The following AGBL1 variants were observed in gnomAD, a reference collection of about 807,000 sequenced individuals.
The protein encoded by AGBL1 is cytosolic carboxypeptidase 4.
AGBL1 carries 130 observed loss-of-function variants against 118.9 expected under a neutral mutation model. That is an observed-to-expected ratio of 1.09 (90% CI 0.95 to 1.26). The LOEUF is 1.26. Among genes scored for constraint, AGBL1 ranks in the 50% most tolerant of loss-of-function variants. AGBL1 has a pLI of 0.00. For missense variants in AGBL1, 1,584 were observed against 1,298.1 expected, an observed-to-expected ratio of 1.22 and a Z score of -3.38; for synonymous variants, 555 against 478.9, an observed-to-expected ratio of 1.16 and a Z score of -2.08.
intron 22 of AGBL1, among the ~76,000 whole-genome samples, chr15:86,700,013 A>T (rs2086328763): frequency 6.6e-6 from 1 of 152,028 alleles, no homozygotes; most frequent in African/African-American, 2.4e-5. Context: ...GTTAGTTGGC[A>T]TTCTGTGGTA....
intron 19 of AGBL1, among the ~76,000 whole-genome samples, chr15:86,526,542 G>GTATATATATATATA (rs1261876704): frequency 5.8e-4 from 24 of 41,448 alleles, no homozygotes; most frequent in African/African-American, 1.5e-3. Context: ...GTTTGTGTCT[G>GTATATATATATATA]TGTATATATA....
At chr15:86,158,906 T>C (rs762888475) in intron 4 of AGBL1, 27 bp from the exon 5 acceptor site, 8 of 1,605,434 alleles carry the variant, frequency 5.0e-6, no homozygotes, top group Admixed American at 1.7e-5. Flanking sequence ...CTTGTGACCA[T>C]AACTACTGTG....
chr15:86,930,926 G>T (rs758087973), intron 23 of AGBL1, among the ~76,000 whole-genome samples: 1 of 152,180 alleles, frequency 6.6e-6, no homozygotes, highest in East Asian at 1.9e-4. Flanking sequence ...AGAAACTAAA[G>T]ATAACATCTT....
intron 22 of AGBL1, among the ~76,000 whole-genome samples, chr15:86,799,366 A>G (rs2078618844): frequency 1.3e-5 from 2 of 152,208 alleles, no homozygotes; most frequent in Non-Finnish European, 1.5e-5. Flanking sequence ...ATTTCTTGAA[A>G]AATGCATGAG....
chr15:86,739,431 G>A (rs1412570405), intron 22 of AGBL1, among the ~76,000 whole-genome samples: 51 of 73,724 alleles, frequency 6.9e-4, no homozygotes, highest in African/African-American at 2.7e-3. Flanking sequence ...CAACAAGAGC[G>A]AAACTCCATC....
In AGBL1 at chr15:86,521,266, G is replaced by A. The variant is rs146270682; in HGVS notation, c.2556-1544G>A. 9.9e-4 allele frequency among the ~76,000 whole-genome samples: 151 copies of A among 152,290 alleles called. 1 individual carries two copies. Among genetic ancestry groups the A allele is most frequent in the African/African-American group, 3.3e-3 (136 of 41,574 alleles). ...ACTGAACCTTCTTTTTACCTCCAAT[G>A]TTTATTGAAAACACTGTGTTTCAAA... On this transcript the variant is annotated intron_variant, in intron 18 of 22. Coordinates refer to ENST00000614907, the MANE Select transcript of AGBL1 (RefSeq NM_001386094.1).
chr15:86,541,568 T>C (rs2142242108), intron 19 of AGBL1, among the ~76,000 whole-genome samples: 2 of 124,378 alleles, frequency 1.6e-5, no homozygotes, highest in East Asian at 4.6e-4. Context: ...ATTCTCAGCC[T>C]GGGTGAAAGA....
rs370373320 is a variant in AGBL1, at chr15:86,576,271, A to C, written c.2994+21734A>C. ...AGTGTTGTTAAAAGAAAAACATCAG[A>C]CAAATTAAATTTAGTAAAATTTAAT... On this transcript the variant is annotated intron_variant, in intron 21 of 22. Transcript: ENST00000614907. 5.9e-5 allele frequency among the ~76,000 whole-genome samples: 9 copies of C among 152,308 alleles called. 2 individuals are homozygous for C. Among genetic ancestry groups the C allele is most frequent in the African/African-American group, 2.2e-4 (9 of 41,556 alleles).
intron 23 of AGBL1, among the ~76,000 whole-genome samples, chr15:86,945,416 C>T (rs969838598): frequency 1.3e-5 from 2 of 152,010 alleles, no homozygotes; most frequent in Non-Finnish European, 2.9e-5. Context: ...ATCTGTAAAT[C>T]CCAGCAGTTT....
At chr15:86,196,879 G>GCGCGCGCGCGCGCACACA (rs756313941) in intron 5 of AGBL1, among the ~76,000 whole-genome samples, 3 of 117,014 alleles carry the variant, frequency 2.6e-5, no homozygotes, top group African/African-American at 1.1e-4. Context: ...GCGCGCGCGC[G>GCGCGCGCGCGCGCACACA]CACACACACA....
chr15:86,715,991 G>A (rs1369762529), intron 22 of AGBL1, among the ~76,000 whole-genome samples: 2 of 151,480 alleles, frequency 1.3e-5, no homozygotes, highest in South Asian at 2.1e-4. Context: ...ACTTGAACCC[G>A]GGAGGTGGAG....
At chr15:86,468,199 T>C (rs186398702) in intron 18 of AGBL1, among the ~76,000 whole-genome samples, 3 of 152,242 alleles carry the variant, frequency 2.0e-5, no homozygotes, top group Non-Finnish European at 4.4e-5. Flanking sequence ...TCTCCTCCTC[T>C]CCGCAAGAAG....
At chr15:86,247,586 C>A in intron 6 of AGBL1, 85 bp from the exon 7 acceptor site, 1 of 1,318,104 alleles carries the variant, frequency 7.6e-7, no homozygotes, top group Non-Finnish European at 1.1e-6. Flanking sequence ...TAATAAGTAT[C>A]TTGTGGGAAA....
intron 24 of AGBL1, among the ~76,000 whole-genome samples, chr15:86,999,630 T>G (rs1317408984): frequency 3.7e-4 from 56 of 150,658 alleles, no homozygotes; most frequent in Admixed American, 3.7e-3. Flanking sequence ...CTATCGTTGT[T>G]GGACATTTGG....
intron 22 of AGBL1, among the ~76,000 whole-genome samples, chr15:86,884,099 C>T (rs1328858260): frequency 6.6e-6 from 1 of 152,204 alleles, no homozygotes; most frequent in Non-Finnish European, 1.5e-5. Flanking sequence ...TGAGAACTTT[C>T]ACCTTTTGAC....
At position 86,201,373 on chromosome 15, in the gene AGBL1, G is replaced by C. The variant is rs565336227; in HGVS notation, c.489-23541G>C. 2.0e-5 allele frequency among the ~76,000 whole-genome samples: 3 copies of C among 152,342 alleles called. No homozygotes were observed. The South Asian group carries it at 6.2e-4, about 32-fold the overall frequency. ...AACCTTGGGTAGGATGTTGATTACAGATATCATTTGACTATCATTCTTGTC... is the reference window on the plus strand; with the variant it reads ...AACCTTGGGTAGGATGTTGATTACACATATCATTTGACTATCATTCTTGTC... On this transcript the variant is annotated intron_variant, in intron 5 of 22. Coordinates refer to ENST00000614907, the MANE Select transcript of AGBL1 (RefSeq NM_001386094.1).
intron 1 of AGBL1, among the ~76,000 whole-genome samples, chr15:86,111,658 T>C (rs997041475): frequency 3.9e-5 from 6 of 152,130 alleles, no homozygotes; most frequent in Non-Finnish European, 5.9e-5. Flanking sequence ...GAGAACAAGT[T>C]GGGGAAAACA....
chr15:86,554,267 T>C (rs1236898878), intron 20 of AGBL1, 94 bp from the exon 21 acceptor site: 2 of 1,080,428 alleles, frequency 1.9e-6, no homozygotes, highest in Non-Finnish European at 2.6e-6. Flanking sequence ...GTATTTTATA[T>C]ATAGATGCTT....
At chr15:86,808,302 A>T (rs2078744680) in intron 22 of AGBL1, among the ~76,000 whole-genome samples, 1 of 152,166 alleles carries the variant, frequency 6.6e-6, no homozygotes, top group Non-Finnish European at 1.5e-5. Flanking sequence ...GGTGTTCTCT[A>T]TGTTGCATTT....
Sources: allele counts gnomAD v4.1 joint callset (sites outside exome capture counted in the v4.1 genomes callset), GRCh38; gene constraint gnomAD v4.1.1; transcripts MANE v1.5; gene names NCBI Gene and HGNC (gene_info 2026-07-23, HGNC 2026-07-21).